EFCAB13: variants seen among roughly 807,000 people sequenced by gnomAD.
The protein encoded by EFCAB13 is EF-hand calcium binding domain 13.
In EFCAB13, 91 loss-of-function variants were observed where a neutral mutation model predicts 110.2. The observed-to-expected ratio is 0.83, with a 90% CI of 0.70 to 0.98. EFCAB13 has a LOEUF of 0.98. Among genes scored for constraint, EFCAB13 ranks in the 50% least tolerant of loss-of-function variants. The pLI is 0.00. For synonymous variants in EFCAB13, 323 were observed against 369.9 expected, an observed-to-expected ratio of 0.87 and a Z score of 1.45; for missense variants, 968 against 1,119.4, an observed-to-expected ratio of 0.86 and a Z score of 1.93.
intron 23 of EFCAB13, among the ~76,000 whole-genome samples, chr17:47,422,347 T>C (rs1281243577): frequency 6.6e-6 from 1 of 152,148 alleles, no homozygotes; most frequent in Non-Finnish European, 1.5e-5. Flanking sequence ...ATGTCTACTA[T>C]CATCACTTCT....
chr17:47,342,745 G>A (rs1009179502), intron 6 of EFCAB13, among the ~76,000 whole-genome samples: 11 of 151,726 alleles, frequency 7.2e-5, no homozygotes, highest in Non-Finnish European at 1.6e-4. Context: ...TGTATCTTCT[G>A]TTAGATGTGT....
In EFCAB13 at chr17:47,328,329, A is replaced by G. The variant is rs1271970123; in HGVS notation, c.-25A>G. ...TCATCAAAGCCTGGAGTCCTTAAGGACAGAATTTACCTCTAAACAGAAAGA... is the reference window on the plus strand; with the variant it reads ...TCATCAAAGCCTGGAGTCCTTAAGGGCAGAATTTACCTCTAAACAGAAAGA... On this transcript the variant is annotated 5_prime_UTR_variant, in exon 4 of 25. Coordinates refer to ENST00000331493, the MANE Select transcript of EFCAB13 (RefSeq NM_152347.5). 1 of 1,604,644 alleles carries G rather than the reference A, an allele frequency of 6.2e-7. No homozygotes were observed. Among genetic ancestry groups the G allele is most frequent in the African/African-American group, 1.3e-5 (1 of 74,672 alleles).
chr17:47,336,329 T>C (rs542688988), intron 5 of EFCAB13, among the ~76,000 whole-genome samples: 1 of 151,360 alleles, frequency 6.6e-6, no homozygotes, highest in East Asian at 1.9e-4. Context: ...TCTCGCTGTG[T>C]TGCCCAGGCT....
At chr17:47,346,605 A>G (rs1274228380) in intron 8 of EFCAB13, among the ~76,000 whole-genome samples, 1 of 152,104 alleles carries the variant, frequency 6.6e-6, no homozygotes, top group Non-Finnish European at 1.5e-5. Flanking sequence ...TTACTGGATC[A>G]TGTGGCTTTG....
At chr17:47,361,928 G>C (rs953148306) in intron 10 of EFCAB13, among the ~76,000 whole-genome samples, 1 of 152,062 alleles carries the variant, frequency 6.6e-6, no homozygotes, top group African/African-American at 2.4e-5. Context: ...ATGCCCTTCA[G>C]TTGCTCTCTG....
intron 9 of EFCAB13, among the ~76,000 whole-genome samples, chr17:47,352,348 T>C (rs1033998348): frequency 6.6e-6 from 1 of 152,000 alleles, no homozygotes; most frequent in African/African-American, 2.4e-5. Flanking sequence ...TTGAAAAGAG[T>C]GTCCTTTCAC....
At chr17:47,417,722 C>T (rs1366191988) in intron 23 of EFCAB13, among the ~76,000 whole-genome samples, 1 of 152,150 alleles carries the variant, frequency 6.6e-6, no homozygotes, top group Admixed American at 6.5e-5. Flanking sequence ...TTCATGATCT[C>T]CTTGTTTAGC....
chr17:47,422,431 A>G (rs965646188), intron 23 of EFCAB13, among the ~76,000 whole-genome samples: 1 of 152,208 alleles, frequency 6.6e-6, no homozygotes, highest in African/African-American at 2.4e-5. Context: ...ATTAAAAGGG[A>G]AGAAATAGAA....
chr17:47,380,719 C>G (rs1036983034), intron 14 of EFCAB13, among the ~76,000 whole-genome samples: 4 of 152,134 alleles, frequency 2.6e-5, no homozygotes, highest in Non-Finnish European at 4.4e-5. Context: ...GTTCCTATTT[C>G]TCCACATCCT....
At chr17:47,363,927 G>A (rs1462919679) in intron 10 of EFCAB13, among the ~76,000 whole-genome samples, 1 of 152,110 alleles carries the variant, frequency 6.6e-6, no homozygotes, top group African/African-American at 2.4e-5. Context: ...GTATGAAAAT[G>A]TAAAATGGGG....
intron 12 of EFCAB13, chr17:47,377,560 T>C: frequency 2.9e-6 from 1 of 344,592 alleles, no homozygotes; most frequent in Non-Finnish European, 5.2e-6. Context: ...TATAGAATGT[T>C]AGGACGGTTC....
intron 15 of EFCAB13, among the ~76,000 whole-genome samples, chr17:47,391,833 T>C (rs2065709920): frequency 1.3e-5 from 2 of 151,960 alleles, no homozygotes; most frequent in Non-Finnish European, 2.9e-5. Flanking sequence ...CTTTTCAAGA[T>C]TTTTTTTCCT....
At chr17:47,424,070 C>T (rs1159395723) in intron 23 of EFCAB13, among the ~76,000 whole-genome samples, 1 of 152,194 alleles carries the variant, frequency 6.6e-6, no homozygotes, top group Non-Finnish European at 1.5e-5. Context: ...GGGTCCCCTT[C>T]ATCCCTCTCA....
At position 47,384,558 on chromosome 17, in the gene EFCAB13, G is replaced by A. The variant is rs73324439; in HGVS notation, c.1582+5305G>A. Among the ~76,000 whole-genome samples the A allele has an allele frequency of 8.7e-3, 1,325 of 152,024 alleles. 19 individuals carry two copies. The highest frequency in any genetic ancestry group is 0.031 in the African/African-American group (1,270 of 41,462). ...CCTGGTGTTGACAAAATCCCTCAGC[G>A]TTTGCTTGTATGTAAGGATTTTATT... On this transcript the variant is annotated intron_variant, in intron 14 of 24. Transcript: ENST00000331493.
At chr17:47,370,557 TTTACA>T (rs774454755) in intron 11 of EFCAB13, 49 bp downstream of exon 11, 3 of 1,242,594 alleles carry the variant, frequency 2.4e-6, no homozygotes, top group South Asian at 1.3e-5. Context: ...AATTAAAGTC[TTTACA>T]TTAAATCTTA....
At chr17:47,381,148 A>T (rs2065645451) in intron 14 of EFCAB13, among the ~76,000 whole-genome samples, 1 of 151,808 alleles carries the variant, frequency 6.6e-6, no homozygotes, top group Non-Finnish European at 1.5e-5. Flanking sequence ...TCCCAAAGTT[A>T]AATGTCTTCT....
intron 14 of EFCAB13, among the ~76,000 whole-genome samples, chr17:47,389,934 A>G (rs1226627277): frequency 6.7e-6 from 1 of 149,956 alleles, no homozygotes; most frequent in Non-Finnish European, 1.5e-5. Flanking sequence ...AGGGACATGT[A>G]TCTTGCTGTA....
chr17:47,431,605 T>C lies in EFCAB13; in HGVS notation c.2638+1644T>C, dbSNP rs181246998. ...TTATAGTCATTACATTATTAATTTC[T>C]AGTTTAATTGCATTGTGGTGGTCAG... On this transcript the variant is annotated intron_variant, in intron 24 of 24. Transcript: ENST00000331493. The surrounding 1 kb of genome is among the most constrained non-coding windows in gnomAD (Gnocchi z 4.1). Among the ~76,000 whole-genome samples, 78 of 152,286 alleles carry C rather than the reference T, an allele frequency of 5.1e-4. No individual in the cohort carries two copies. The East Asian group carries it at 0.012, about 24-fold the overall frequency.
At chr17:47,345,665 C>T (rs1409717653) in intron 8 of EFCAB13, among the ~76,000 whole-genome samples, 1 of 152,202 alleles carries the variant, frequency 6.6e-6, no homozygotes, top group African/African-American at 2.4e-5. Flanking sequence ...CTGATGGCCA[C>T]AAATTACACA....
Sources: gnomAD v4.1 joint callset for allele counts (sites outside exome capture counted in the v4.1 genomes callset) on GRCh38, gnomAD v4.1.1 for gene constraint, Gnocchi (gnomAD v3.1) non-coding constraint, MANE v1.5 for transcripts, NCBI Gene and HGNC (gene_info 2026-07-23, HGNC 2026-07-21) for gene names.